The following DST variants were observed in gnomAD, a reference collection of about 807,000 sequenced individuals.
DST encodes dystonin, also known as bullous pemphigoid antigen.
DST carries 253 observed loss-of-function variants against 875.2 expected under a neutral mutation model. That is an observed-to-expected ratio of 0.29 (90% CI 0.26 to 0.32). The LOEUF (loss-of-function observed/expected upper bound fraction) is 0.32. DST is among the 10% of genes least tolerant of loss of function. The pLI, the probability that DST is intolerant of heterozygous loss-of-function variation, is 1.00. For missense variants in DST, 8,287 were observed against 9,111.6 expected (o/e 0.91, Z 3.68); for synonymous variants, 3,124 against 3,197.1 (o/e 0.98, Z 0.77).
intron 22 of DST, among the ~76,000 whole-genome samples, chr6:56,638,574 T>C (rs2098847051): frequency 6.6e-6 from 1 of 152,174 alleles, no homozygotes; most frequent in Non-Finnish European, 1.5e-5. Flanking sequence ...CCCTACTTTC[T>C]TACATAATCC....
intron 85 of DST, among the ~76,000 whole-genome samples, chr6:56,490,390 T>C (rs893198529): frequency 1.3e-5 from 2 of 151,896 alleles, no homozygotes; most frequent in Non-Finnish European, 1.5e-5. Context: ...TATAAATTAT[T>C]TGTCACAATA....
At chr6:56,869,788 G>A (rs540777202) in intron 3 of DST, among the ~76,000 whole-genome samples, 1 of 152,152 alleles carries the variant, frequency 6.6e-6, no homozygotes, top group South Asian at 2.1e-4. Flanking sequence ...AGGCTGAAAC[G>A]AGCCTCCCAC....
chr6:56,833,624 T>C (rs1218635898), intron 4 of DST, among the ~76,000 whole-genome samples: 2 of 152,100 alleles, frequency 1.3e-5, no homozygotes, highest in African/African-American at 2.4e-5. Flanking sequence ...GCATATTAGA[T>C]ACACCAAAGC....
Position 56,611,521 on chromosome 6 carries a change from T to G in DST, c.5134A>C (p.Lys1712Gln), listed in dbSNP as rs1401533202. The G allele has an allele frequency of 5.6e-6, 9 of 1,611,590 alleles. No homozygotes were observed. The highest frequency in any genetic ancestry group is 7.6e-6 in the Non-Finnish European group (9 of 1,178,408). ...CAACCAACATACTTGTCTCCATGTTTTGCCAAAAAAAGCTGTATAGTTTGA... is the reference window on the plus strand; with the variant it reads ...CAACCAACATACTTGTCTCCATGTTGTGCCAAAAAAAGCTGTATAGTTTGA... ...ALQTIQLFLA[K>Q]HGDKMTDEER... Residue 1712 changes from lysine to glutamine, a missense_variant, in exon 38 of 104, where the codon AAA (lysine) becomes CAA (glutamine). Lys to Gln is a moderately conservative substitution (Grantham distance 53, BLOSUM62 1). Coordinates refer to ENST00000680361, the MANE Select transcript of DST (RefSeq NM_001374736.1).
chr6:56,520,938 T>C (rs1411943927), intron 69 of DST, among the ~76,000 whole-genome samples: 1 of 152,054 alleles, frequency 6.6e-6, no homozygotes, highest in East Asian at 1.9e-4. Flanking sequence ...AAATTTAATA[T>C]CGTCAAGTTT....
intron 10 of DST, among the ~76,000 whole-genome samples, chr6:56,665,356 T>G (rs1368891044): frequency 1.3e-5 from 2 of 152,214 alleles, no homozygotes; most frequent in Non-Finnish European, 2.9e-5. Flanking sequence ...GGGCAAAGAC[T>G]TTAGTTGTCA....
At chr6:56,463,510 C>A in intron 101 of DST, 55 bp downstream of exon 101, 1 of 1,452,268 alleles carries the variant, frequency 6.9e-7, no homozygotes, top group South Asian at 1.4e-5. Context: ...ATTCAAAAGT[C>A]TACTTGGGAC....
At position 56,642,460 on chromosome 6, in the gene DST, T is replaced by C. The variant is rs1373255277; in HGVS notation, c.1822A>G (p.Ser608Gly). 5 of 1,613,702 alleles carry C rather than the reference T, an allele frequency of 3.1e-6. No homozygotes were observed. The African/African-American group carries it at 6.7e-5, about 22-fold the overall frequency. The change falls in exon 16 of 104, where the codon AGT becomes GGT. Residue 608 changes from serine (S) to glycine (G), a missense_variant. By Grantham distance (56) the Ser-to-Gly change is moderately conservative. Coordinates refer to ENST00000680361, the MANE Select transcript of DST (RefSeq NM_001374736.1). ...QQIANRVQRD[S>G]VICEDKLILA... Reference sequence around the variant, plus strand: ...ATCAGTTTGTCTTCACAGATGACACTGTCCCTCTGAACTCTGTTGGCAATC... The same window carrying C: ...ATCAGTTTGTCTTCACAGATGACACCGTCCCTCTGAACTCTGTTGGCAATC...
At chr6:56,779,509 T>C (rs2099687403) in intron 4 of DST, among the ~76,000 whole-genome samples, 1 of 152,108 alleles carries the variant, frequency 6.6e-6, no homozygotes, top group African/African-American at 2.4e-5. Flanking sequence ...AGGGTTTTTA[T>C]GGTTTTAAGT....
chr6:56,491,472 A>T (rs543710512), intron 85 of DST, among the ~76,000 whole-genome samples: 1 of 152,310 alleles, frequency 6.6e-6, no homozygotes, highest in South Asian at 2.1e-4. Context: ...TCTCTCTTCC[A>T]TGGAGTACAA....
chr6:56,741,971 G>A (rs1220323365), intron 4 of DST, among the ~76,000 whole-genome samples: 1 of 152,084 alleles, frequency 6.6e-6, no homozygotes, highest in Non-Finnish European at 1.5e-5. Flanking sequence ...AATGCAAAAA[G>A]AGTACTGATT....
At chr6:56,648,261 T>C (rs565505643) in intron 13 of DST, among the ~76,000 whole-genome samples, 34 of 152,190 alleles carry the variant, frequency 2.2e-4, no homozygotes, top group African/African-American at 7.7e-4. Context: ...TCAAGCCATC[T>C]CGGGGGCTGC....
intron 55 of DST, among the ~76,000 whole-genome samples, chr6:56,567,486 G>C (rs2097699850): frequency 6.9e-6 from 1 of 145,168 alleles, no homozygotes; most frequent in Admixed American, 6.9e-5. Context: ...AAAAACACTT[G>C]ATATTTATGG....
chr6:56,911,883 G>A (rs969731714), intron 2 of DST, among the ~76,000 whole-genome samples: 5 of 152,112 alleles, frequency 3.3e-5, no homozygotes, highest in Non-Finnish European at 7.4e-5. Context: ...TTTCCTGGTC[G>A]ACCTCTGAAA....
intron 10 of DST, among the ~76,000 whole-genome samples, chr6:56,663,202 T>G (rs1387142836): frequency 6.6e-6 from 1 of 152,212 alleles, no homozygotes; most frequent in Non-Finnish European, 1.5e-5. Flanking sequence ...ACACCTCACT[T>G]GGATGCAGAC....
Position 56,552,378 on chromosome 6 carries a change from G to C in DST, c.16414C>G (p.Gln5472Glu). 1 of 1,613,924 alleles carries C rather than the reference G, an allele frequency of 6.2e-7. No individual in the cohort carries two copies. Among genetic ancestry groups the C allele is most frequent in the African/African-American group, 1.3e-5 (1 of 75,020 alleles). ...GCTCGGTCCAGTAACTTGTTGCATTGTTTGCTTAAGGCCTCCAAGTCCCTT... is the reference window on the plus strand; with the variant it reads ...GCTCGGTCCAGTAACTTGTTGCATTCTTTGCTTAAGGCCTCCAAGTCCCTT... Reference protein sequence around the residue: ...IKRDLEALSKQCNKLLDRAQA... With the variant: ...IKRDLEALSKECNKLLDRAQA... Residue 5472 changes from glutamine (Q) to glutamate (E), a missense_variant, in exon 61 of 104, where the codon CAA becomes GAA. By Grantham distance (29) the Gln-to-Glu change is conservative. Around this residue, in one of 10 missense-constraint regions of DST, gnomAD observed 777 missense variants for 764.8 expected, o/e 1.02. Coordinates refer to ENST00000680361, the MANE Select transcript of DST (RefSeq NM_001374736.1).
chr6:56,511,164 G>A, intron 73 of DST, 33 bp downstream of exon 73: 1 of 1,530,988 alleles, frequency 6.5e-7, no homozygotes, highest in Non-Finnish European at 8.9e-7. Context: ...TTGTCTGCAA[G>A]AACCCAATTC....
At chr6:56,526,665 G>C in intron 68 of DST, 98 bp from the exon 69 acceptor site, 2 of 1,096,180 alleles carry the variant, frequency 1.8e-6, no homozygotes. Context: ...CGAATAATGT[G>C]ATGCTTTGCC....
intron 78 of DST, among the ~76,000 whole-genome samples, chr6:56,503,573 ATC>A (rs1279013400): frequency 5.7e-5 from 8 of 141,020 alleles, no homozygotes; most frequent in Non-Finnish European, 9.2e-5. Context: ...ATCTAAATAC[ATC>A]TCTCTCTCTA....
Sources: gnomAD v4.1 joint callset for allele counts (sites outside exome capture counted in the v4.1 genomes callset) on GRCh38, gnomAD v4.1.1 for gene constraint, gnomAD v4.1.1 regional missense constraint, MANE v1.5 for transcripts, NCBI Gene and HGNC (gene_info 2026-07-23, HGNC 2026-07-21) for gene names.